The following OLFML2A variants were observed in gnomAD, a reference collection of about 807,000 sequenced individuals.
OLFML2A encodes olfactomedin-like protein 2A.
OLFML2A carries 47 observed loss-of-function variants against 60.9 expected under a neutral mutation model. That is an observed-to-expected ratio of 0.77 (90% CI 0.61 to 0.98). OLFML2A has a LOEUF of 0.98. OLFML2A is among the 50% of genes least tolerant of loss of function. OLFML2A has a pLI of 0.00. For missense variants in OLFML2A, 922 were observed against 879.8 expected, an observed-to-expected ratio of 1.05 and a Z score of -0.61; for synonymous variants, 372 against 375.0, an observed-to-expected ratio of 0.99 and a Z score of 0.09.
In OLFML2A at chr9:124,811,899, A is replaced by G. The variant is rs1341523782; in HGVS notation, c.*1487A>G. ...AGTTTAGAGAGCAGCTCAGTGTCAC[A>G]CTGGGAGCTGGGCACAGCCGATCTC... On this transcript the variant is annotated 3_prime_UTR_variant, in exon 8 of 8. Transcript: ENST00000373580. 1 of 152,228 alleles carries G rather than the reference A, an allele frequency of 6.6e-6. No individual in the cohort carries two copies. 9.4% of individuals were successfully genotyped at this position (152,228 alleles called of 1,614,324 possible).
In OLFML2A at chr9:124,799,503, G is replaced by T; in HGVS notation, c.669+12G>T. 1.3e-6 allele frequency: 2 copies of T among 1,569,770 alleles called. No homozygotes were observed. The highest frequency in any genetic ancestry group is 1.7e-6 in the Non-Finnish European group (2 of 1,156,406). On this transcript the variant is annotated intron_variant, in intron 4 of 7. Transcript: ENST00000373580. ...GTAGCAAGGCCCAGGTGAGGCCCCA[G>T]CTCTGATCATGGGGCCGGAGCTGGC...
chr9:124,810,100 C>A lies in OLFML2A; in HGVS notation c.1647C>A (p.Val549=), dbSNP rs762926585. 3.7e-6 allele frequency: 6 copies of A among 1,613,722 alleles called. No homozygotes were observed. The African/African-American group carries it at 8.0e-5, about 22-fold the overall frequency. The stretch of plus-strand genomic sequence containing the variant: ...ATGAGGCCCAGCCCGAGGTGATCGT[C>A]CTGAGTCGCTTGGACCCCGGCGATC... ...DRDEAQPEVI[V]LSRLDPGDLS... Residue 549 remains valine, a synonymous_variant, in exon 8 of 8, where the codon GTC becomes GTA. Transcript: ENST00000373580.
chr9:124,787,481 T>C (rs1196959082), intron 2 of OLFML2A, among the ~76,000 whole-genome samples: 2 of 152,170 alleles, frequency 1.3e-5, no homozygotes, highest in Non-Finnish European at 1.5e-5. Context: ...AATTCATCCA[T>C]TGGCACCTAG....
At chr9:124,783,092 G>A (rs1038470905) in intron 1 of OLFML2A, among the ~76,000 whole-genome samples, 6 of 151,934 alleles carry the variant, frequency 3.9e-5, no homozygotes, top group East Asian at 3.9e-4. Flanking sequence ...TTCACCCACC[G>A]AGAGGCCAGG....
intron 5 of OLFML2A, among the ~76,000 whole-genome samples, chr9:124,802,699 G>C (rs576162502): frequency 6.6e-6 from 1 of 152,196 alleles, no homozygotes; most frequent in Non-Finnish European, 1.5e-5. Context: ...GGTCCTCCTC[G>C]ACCAGGGGGA....
chr9:124,792,208 C>A lies in OLFML2A; in HGVS notation c.355-2816C>A, dbSNP rs150969935. Among the ~76,000 whole-genome samples the A allele has an allele frequency of 4.6e-3, 696 of 152,310 alleles. 5 individuals are homozygous for A. Among genetic ancestry groups the A allele is most frequent in the African/African-American group, 0.016 (649 of 41,554 alleles). On this transcript the variant is annotated intron_variant, in intron 2 of 7. Coordinates refer to ENST00000373580, the MANE Select transcript of OLFML2A (RefSeq NM_182487.4). Reference sequence around the variant, plus strand: ...GCCCCTGATTCTGGCACCTATGTGTCACTGCCTCTGTCCCCTGATCTAGGC... The same window carrying A: ...GCCCCTGATTCTGGCACCTATGTGTAACTGCCTCTGTCCCCTGATCTAGGC...
At chr9:124,801,204 A>C in intron 4 of OLFML2A, 1 of 897,300 alleles carries the variant, frequency 1.1e-6, no homozygotes, top group Non-Finnish European at 1.7e-6. Flanking sequence ...CCTGCAAGGG[A>C]GCTAAAGAGC....
chr9:124,783,808 T>C (rs1249365919), intron 1 of OLFML2A, among the ~76,000 whole-genome samples: 2 of 152,132 alleles, frequency 1.3e-5, no homozygotes, highest in African/African-American at 4.8e-5. Context: ...ATGGTACCTA[T>C]GGTGTGGGGG....
At chr9:124,809,701 G>C (rs757163669) in intron 7 of OLFML2A, 107 bp from the exon 8 acceptor site, 204 of 1,298,022 alleles carry the variant, frequency 1.6e-4, no homozygotes, top group Non-Finnish European at 1.9e-4. Context: ...GCACATGCTT[G>C]GTATCAGTCA....
At chr9:124,783,504 A>C (rs1841400547) in intron 1 of OLFML2A, among the ~76,000 whole-genome samples, 1 of 152,172 alleles carries the variant, frequency 6.6e-6, no homozygotes, top group Non-Finnish European at 1.5e-5. Flanking sequence ...CTTCACACTT[A>C]AGATGCACTC....
At chr9:124,798,386 C>T (rs1161661735) in intron 3 of OLFML2A, among the ~76,000 whole-genome samples, 2 of 152,026 alleles carry the variant, frequency 1.3e-5, no homozygotes, top group East Asian at 1.9e-4. Flanking sequence ...CCTGTAGTCA[C>T]AGCTACTCAG....
chr9:124,806,719 C>T (rs2131277999), intron 6 of OLFML2A, among the ~76,000 whole-genome samples: 1 of 152,120 alleles, frequency 6.6e-6, no homozygotes, highest in East Asian at 1.9e-4. Flanking sequence ...CAGTGATTCT[C>T]CTGCCTCAGC....
At position 124,786,976 on chromosome 9, in the gene OLFML2A, T is replaced by C; in HGVS notation, c.92T>C (p.Val31Ala). Residue 31 changes from valine to alanine, a missense_variant and splice_region_variant, in exon 2 of 8, where the codon GTG (valine) becomes GCG (alanine). Physicochemically the swap from Val to Ala is moderately conservative, Grantham distance 64. Transcript: ENST00000373580. The stretch of plus-strand genomic sequence containing the variant: ...AGCCCCTCTTGCCCCCCGCAACAGG[T>C]GTTTGGGGACCTGGACCAGGTGAGG... ...SGRPTRADSK[V>A]FGDLDQVRMT... The C allele has an allele frequency of 6.2e-7, 1 of 1,607,524 alleles. No homozygotes were observed. Among genetic ancestry groups the C allele is most frequent in the Non-Finnish European group, 8.5e-7 (1 of 1,175,186 alleles).
At chr9:124,793,501 C>T (rs1841606208) in intron 2 of OLFML2A, among the ~76,000 whole-genome samples, 1 of 152,190 alleles carries the variant, frequency 6.6e-6, no homozygotes, top group South Asian at 2.1e-4. Context: ...GACGGTGATT[C>T]ATGATATCTC....
At chr9:124,805,022 ATTC>A (rs1402208735) in intron 6 of OLFML2A, among the ~76,000 whole-genome samples, 1 of 152,142 alleles carries the variant, frequency 6.6e-6, no homozygotes, top group Non-Finnish European at 1.5e-5. Context: ...TTTTCAACAA[ATTC>A]TTCTTAAAAT....
intron 4 of OLFML2A, chr9:124,800,705 G>A (rs1159631626): frequency 1.3e-5 from 5 of 389,072 alleles, no homozygotes; most frequent in African/African-American, 2.2e-5. Context: ...AGAATGAAGC[G>A]TGTTTTGGCA....
intron 1 of OLFML2A, among the ~76,000 whole-genome samples, chr9:124,783,300 C>T (rs1159963304): frequency 5.3e-5 from 8 of 152,002 alleles, no homozygotes; most frequent in Non-Finnish European, 1.2e-4. Flanking sequence ...GGTGAAACCC[C>T]ATCTCTACAA....
chr9:124,784,950 T>G (rs1456827493), intron 1 of OLFML2A, among the ~76,000 whole-genome samples: 1 of 104,604 alleles, frequency 9.6e-6, no homozygotes, highest in South Asian at 3.7e-4. Flanking sequence ...CTTGTTTTTT[T>G]TTTTTTTTTT....
rs148920509 is a variant in OLFML2A at position 124,798,566 on chromosome 9, G to T, written c.463-719G>T. 5.1e-3 allele frequency among the ~76,000 whole-genome samples: 771 copies of T among 151,868 alleles called. 3 individuals are homozygous for T. The highest frequency in any genetic ancestry group is 0.024 in the Middle Eastern group (7 of 294). On this transcript the variant is annotated intron_variant, in intron 3 of 7. Transcript: ENST00000373580. ...AGGGACTGGGCGGCTGGGTGCAGTG[G>T]CTCACACCTGTAATCCCAGCACTTT...
Sources: allele counts gnomAD v4.1 joint callset (sites outside exome capture counted in the v4.1 genomes callset), GRCh38; gene constraint gnomAD v4.1.1; transcripts MANE v1.5; gene names NCBI Gene and HGNC (gene_info 2026-07-23, HGNC 2026-07-21).